The following ENPP6 variants were observed in gnomAD, a reference collection of about 807,000 sequenced individuals.
ENPP6 encodes the protein glycerophosphocholine cholinephosphodiesterase ENPP6.
Under a neutral mutation model 42.0 loss-of-function variants are expected in ENPP6, and 32 were observed. The observed-to-expected ratio is 0.76, with a 90% CI of 0.58 to 1.02. The LOEUF (loss-of-function observed/expected upper bound fraction) is 1.02, where lower values mean the gene tolerates loss of function less well. Ranked by LOEUF, ENPP6 falls within the 50% of genes least tolerant of loss-of-function variation. The probability of loss-of-function intolerance (pLI) is 0.00; values close to 1 mark genes in which losing one functional copy is unlikely to be tolerated. For missense variants in ENPP6, 552 were observed against 566.8 expected (o/e 0.97, Z 0.27); for synonymous variants, 213 against 216.0 (o/e 0.99, Z 0.12).
chr4:184,107,745 C>G (rs536500185), intron 6 of ENPP6, among the ~76,000 whole-genome samples: 3 of 152,130 alleles, frequency 2.0e-5, no homozygotes, highest in Non-Finnish European at 2.9e-5. Flanking sequence ...GAAACCTCGT[C>G]TCTACTAAAA....
chr4:184,204,221 C>A (rs1732954201), intron 1 of ENPP6: 1 of 152,202 alleles, frequency 6.6e-6, no homozygotes, highest in African/African-American at 2.4e-5. Context: ...CAAATACAGT[C>A]ACATTCGGAG....
At chr4:184,099,507 C>T (rs1579606802) in intron 6 of ENPP6, among the ~76,000 whole-genome samples, 1 of 152,304 alleles carries the variant, frequency 6.6e-6, no homozygotes, top group East Asian at 1.9e-4. Context: ...CGGTCTGGTC[C>T]GCAGATGCCC....
chr4:184,205,414 G>A (rs1160646402), intron 1 of ENPP6, among the ~76,000 whole-genome samples: 1 of 152,252 alleles, frequency 6.6e-6, no homozygotes. Flanking sequence ...CCTTTCTGGG[G>A]AACAAGCAGA....
At chr4:184,171,011 G>T (rs1194678090) in intron 1 of ENPP6, among the ~76,000 whole-genome samples, 1 of 152,204 alleles carries the variant, frequency 6.6e-6, no homozygotes, top group African/African-American at 2.4e-5. Context: ...AAGTGAGGGG[G>T]TGGATCAGTT....
chr4:184,161,529 G>C (rs1391383078), intron 1 of ENPP6, among the ~76,000 whole-genome samples: 1 of 152,168 alleles, frequency 6.6e-6, no homozygotes, highest in Non-Finnish European at 1.5e-5. Context: ...CCACTCCTGG[G>C]TATCTACCCA....
intron 1 of ENPP6, among the ~76,000 whole-genome samples, chr4:184,163,378 G>A (rs190813948): frequency 9.7e-4 from 147 of 152,262 alleles, no homozygotes; most frequent in Non-Finnish European, 1.6e-3. Flanking sequence ...AATAAGTAGT[G>A]GGTGGGGTGA....
chr4:184,201,748 T>TTA (rs1561010182), intron 1 of ENPP6, among the ~76,000 whole-genome samples: 1 of 151,830 alleles, frequency 6.6e-6, no homozygotes, highest in Non-Finnish European at 1.5e-5. Flanking sequence ...TTTTTTTTTT[T>TTA]CCTCAGGGCA....
In ENPP6 at chr4:184,090,797, G is replaced by T; in HGVS notation, c.*380C>A. On this transcript the variant is annotated 3_prime_UTR_variant, in exon 8 of 8. Transcript: ENST00000296741. Reference sequence around the variant, plus strand: ...GCACAGACAAGGGCCTGGTCTGAGGGGGTCCTTTGTGCAAGGTGGGACAGA... The same window carrying T: ...GCACAGACAAGGGCCTGGTCTGAGGTGGTCCTTTGTGCAAGGTGGGACAGA... 2.6e-6 allele frequency: 1 copy of T among 386,272 alleles called. No individual in the cohort carries two copies. The highest frequency in any genetic ancestry group is 4.6e-6 in the Non-Finnish European group (1 of 217,192). 23.9% of individuals were successfully genotyped at this position (386,272 alleles called of 1,614,324 possible). A position where few individuals can be genotyped will look rare whatever the true frequency, so the allele number is the denominator to read the frequency against.
chr4:184,117,788 C>A lies in ENPP6; in HGVS notation c.646G>T (p.Val216Phe). 6.2e-7 allele frequency: 1 copy of A among 1,614,230 alleles called. No homozygotes were observed. Among genetic ancestry groups the A allele is most frequent in the East Asian group, 2.2e-5 (1 of 44,880 alleles). Residue 216 changes from valine (V) to phenylalanine (F), a missense_variant, in exon 4 of 8, where the codon GTC becomes TTC. By Grantham distance (50) the Val-to-Phe change is conservative. This residue lies in a region of ENPP6 where 545 missense variants were observed against 546.3 expected (regional missense o/e 1.00). Transcript: ENST00000296741. Reference sequence around the variant, plus strand: ...ATCCACTTGGTCATGTACTTCAGGACAGTGTCTACAGCCTTGAGGGCATCT... The same window carrying A: ...ATCCACTTGGTCATGTACTTCAGGAAAGTGTCTACAGCCTTGAGGGCATCT... ...RKDALKAVDT[V>F]LKYMTKWIQE...
At chr4:184,118,354 G>A (rs1259776989) in intron 3 of ENPP6, among the ~76,000 whole-genome samples, 1 of 152,170 alleles carries the variant, frequency 6.6e-6, no homozygotes, top group Non-Finnish European at 1.5e-5. Context: ...CATGAATAAA[G>A]TTTACCATTG....
At chr4:184,131,185 C>CT (rs369282263) in intron 2 of ENPP6, among the ~76,000 whole-genome samples, 1 of 62,016 alleles carries the variant, frequency 1.6e-5, no homozygotes, top group Non-Finnish European at 3.3e-5. Flanking sequence ...TTCTTTCTTT[C>CT]TTTCTTTCTT....
chr4:184,094,460 T>G (rs556142088), intron 7 of ENPP6, among the ~76,000 whole-genome samples: 1 of 152,386 alleles, frequency 6.6e-6, no homozygotes, highest in African/African-American at 2.4e-5. Flanking sequence ...GTTCGTGGCC[T>G]CCTGCTGCGC....
At chr4:184,192,525 A>C (rs1477446236) in intron 1 of ENPP6, among the ~76,000 whole-genome samples, 1 of 152,196 alleles carries the variant, frequency 6.6e-6, no homozygotes, top group Non-Finnish European at 1.5e-5. Flanking sequence ...AATCATCACG[A>C]TGTTGGGTTA....
chr4:184,196,724 T>C (rs1462401019), intron 1 of ENPP6, among the ~76,000 whole-genome samples: 1 of 152,162 alleles, frequency 6.6e-6, no homozygotes, highest in Non-Finnish European at 1.5e-5. Flanking sequence ...ATAGATGGTA[T>C]CAACAAAGAG....
intron 1 of ENPP6, among the ~76,000 whole-genome samples, chr4:184,157,419 T>C (rs28680851): frequency 6.6e-6 from 1 of 150,646 alleles, no homozygotes; most frequent in Non-Finnish European, 1.5e-5. Flanking sequence ...CTTTCTTTCT[T>C]TCTTTCTTTC....
At chr4:184,114,744 G>A (rs1381076044) in intron 5 of ENPP6, among the ~76,000 whole-genome samples, 2 of 147,846 alleles carry the variant, frequency 1.4e-5, no homozygotes, top group East Asian at 4.0e-4. Context: ...GTGCCAAATT[G>A]GACACAAGGA....
intron 6 of ENPP6, 64 bp downstream of exon 6, chr4:184,112,608 T>G (rs978169225): frequency 9.8e-6 from 15 of 1,534,428 alleles, no homozygotes; most frequent in Admixed American, 2.2e-5. Flanking sequence ...GTAACTATTA[T>G]TTAACTTTGG....
chr4:184,136,012 A>T (rs1736725409), intron 2 of ENPP6, among the ~76,000 whole-genome samples: 1 of 152,128 alleles, frequency 6.6e-6, no homozygotes, highest in Non-Finnish European at 1.5e-5. Context: ...TACATTTCAT[A>T]TCCATCACAC....
chr4:184,161,919 T>C (rs367566855), intron 1 of ENPP6, among the ~76,000 whole-genome samples: 12 of 152,070 alleles, frequency 7.9e-5, no homozygotes, highest in African/African-American at 2.4e-4. Flanking sequence ...AGACTAAACA[T>C]TGGGTACAGT....
Sources: gnomAD v4.1 joint callset for allele counts (sites outside exome capture counted in the v4.1 genomes callset) on GRCh38, gnomAD v4.1.1 for gene constraint, gnomAD v4.1.1 regional missense constraint, MANE v1.5 for transcripts, NCBI Gene and HGNC (gene_info 2026-07-23, HGNC 2026-07-21) for gene names.